The following CUX1 variants were observed in gnomAD, a reference collection of about 807,000 sequenced individuals.
CUX1 encodes cut like homeobox 1, also known as protein CASP.
A neutral mutation model predicts 158.8 loss-of-function variants in CUX1; 31 were observed. That is an observed-to-expected ratio of 0.20 (90% CI 0.15 to 0.26). The LOEUF (loss-of-function observed/expected upper bound fraction) is 0.26. Ranked by LOEUF, CUX1 falls within the 10% of genes least tolerant of loss-of-function variation. CUX1 has a pLI of 1.00. For missense variants in CUX1, 1,589 were observed against 2,014.6 expected, an observed-to-expected ratio of 0.79 and a Z score of 4.04; for synonymous variants, 879 against 862.1, an observed-to-expected ratio of 1.02 and a Z score of -0.34.
At chr7:101,906,354 A>G (rs947756861) in intron 1 of CUX1, among the ~76,000 whole-genome samples, 7 of 151,400 alleles carry the variant, frequency 4.6e-5, no homozygotes, top group Non-Finnish European at 1.0e-4. Flanking sequence ...GCAGGGAGGG[A>G]GCTGGGGAAG....
In CUX1 at chr7:102,250,278, G is replaced by A. The variant is rs1039583326; in HGVS notation, c.*1236G>A. 1.0e-6 allele frequency: 1 copy of A among 985,348 alleles called. No individual in the cohort carries two copies. Among genetic ancestry groups the A allele is most frequent in the Non-Finnish European group, 1.2e-6 (1 of 829,970 alleles). The allele number at this position is 985,348 out of a possible 1,614,324, so 61.0% of individuals were successfully genotyped here. A position where few individuals can be genotyped will look rare whatever the true frequency, so the allele number is the denominator to read the frequency against. On this transcript the variant is annotated 3_prime_UTR_variant, in exon 24 of 24. Transcript: ENST00000292535. ...ATTGAAAGAAAGGAGAGAGTAGTCCGGGCGAGCACAGCAGGCAGTTCCAGG... is the reference window on the plus strand; with the variant it reads ...ATTGAAAGAAAGGAGAGAGTAGTCCAGGCGAGCACAGCAGGCAGTTCCAGG...
chr7:102,161,712 G>T (rs782012562), intron 9 of CUX1, among the ~76,000 whole-genome samples: 13 of 152,170 alleles, frequency 8.5e-5, no homozygotes, highest in Non-Finnish European at 1.3e-4. Flanking sequence ...ATGGGTTCAG[G>T]CAATTCTCCT....
At chr7:102,171,656 C>T (rs1428995358) in intron 10 of CUX1, among the ~76,000 whole-genome samples, 7 of 152,124 alleles carry the variant, frequency 4.6e-5, no homozygotes, top group African/African-American at 1.7e-4. Context: ...TCGCGTTGCC[C>T]AGGCTGGTCT....
intron 1 of CUX1, among the ~76,000 whole-genome samples, chr7:101,874,386 A>G (rs931886386): frequency 6.6e-6 from 1 of 152,224 alleles, no homozygotes; most frequent in Admixed American, 6.5e-5. Flanking sequence ...TTACTTAAAA[A>G]GCAGCGGAAA....
intron 13 of CUX1, among the ~76,000 whole-genome samples, chr7:102,194,989 A>C (rs1482124856): frequency 1.3e-5 from 2 of 152,076 alleles, no homozygotes; most frequent in Admixed American, 1.3e-4. Context: ...ATGCCACTGC[A>C]CTCCAGCCTG....
chr7:101,952,389 A>G (rs1809177990), intron 2 of CUX1, among the ~76,000 whole-genome samples: 2 of 152,164 alleles, frequency 1.3e-5, no homozygotes, highest in South Asian at 4.1e-4. Context: ...TCAGTAATAA[A>G]TAAATTAAAA....
chr7:101,879,115 CTG>C (rs1396047485), intron 1 of CUX1, among the ~76,000 whole-genome samples: 1 of 152,208 alleles, frequency 6.6e-6, no homozygotes, highest in Non-Finnish European at 1.5e-5. Context: ...GTAGCTGAAA[CTG>C]TTGCATTTCA....
At chr7:102,175,347 AT>A (rs1178679179) in intron 10 of CUX1, among the ~76,000 whole-genome samples, 1 of 152,148 alleles carries the variant, frequency 6.6e-6, no homozygotes, top group African/African-American at 2.4e-5. Context: ...AAGCCCTTTA[AT>A]CAGTGTCTAT....
At chr7:102,278,123 C>A in intron 18 of CUX1, 1 of 1,302,270 alleles carries the variant, frequency 7.7e-7, no homozygotes, top group Non-Finnish European at 1.1e-6. Flanking sequence ...AGAGGCCGAT[C>A]AGGGCTCTGG....
At position 101,995,287 on chromosome 7, in the gene CUX1, G is replaced by A. The variant is rs145248899; in HGVS notation, c.142-32811G>A. ...GCCATGGCTCACTTATCCCTGCCAC[G>A]TGGACTCCAGAAAACATTCTCAGTA... On this transcript the variant is annotated intron_variant, in intron 2 of 23. Coordinates refer to ENST00000292535, the MANE Select transcript of CUX1 (RefSeq NM_181552.4). 6.3e-3 allele frequency among the ~76,000 whole-genome samples: 966 copies of A among 152,190 alleles called. 7 individuals are homozygous for A. Among genetic ancestry groups the A allele is most frequent in the Middle Eastern group, 0.027 (8 of 294 alleles).
At chr7:102,098,807 A>AT (rs112048598) in intron 5 of CUX1, among the ~76,000 whole-genome samples, 898 of 67,976 alleles carry the variant, frequency 0.013, 25 homozygotes, top group East Asian at 0.024. Context: ...CGCCCAACTA[A>AT]TTTTTTTTTT....
At chr7:102,050,603 C>T (rs984020385) in intron 3 of CUX1, among the ~76,000 whole-genome samples, 1 of 152,106 alleles carries the variant, frequency 6.6e-6, no homozygotes, top group African/African-American at 2.4e-5. Context: ...TGCCCCATTT[C>T]GGGAGAGGTA....
intron 22 of CUX1, among the ~76,000 whole-genome samples, chr7:102,237,506 T>G (rs1383121777): frequency 1.3e-5 from 2 of 152,138 alleles, no homozygotes; most frequent in Non-Finnish European, 2.9e-5. Context: ...GGTCTCAAAC[T>G]CCTAGGCTCG....
At position 101,911,587 on chromosome 7, in the gene CUX1, C is replaced by A. The variant is rs895817626; in HGVS notation, c.31-4528C>A. Among the ~76,000 whole-genome samples, 4 of 152,284 alleles carry A rather than the reference C, an allele frequency of 2.6e-5. No homozygotes were observed. In the South Asian group the frequency reaches 8.3e-4, roughly 32 times the overall value. ...TGGATGACCTGAGCCTTGGCGTTGA[C>A]CTTGGCCCGCCAGTGGATGACCTGA... On this transcript the variant is annotated intron_variant, in intron 1 of 23. Coordinates refer to ENST00000292535, the MANE Select transcript of CUX1 (RefSeq NM_181552.4).
chr7:102,277,064 C>A lies in CUX1; in HGVS notation c.1564-885C>A, dbSNP rs535707072. Among the ~76,000 whole-genome samples, 3 of 152,142 alleles carry A rather than the reference C, an allele frequency of 2.0e-5. No homozygotes were observed. The South Asian group carries it at 6.2e-4, about 32-fold the overall frequency. On this transcript the variant is annotated intron_variant, in intron 17 of 22. Transcript: ENST00000292538. The stretch of plus-strand genomic sequence containing the variant: ...CCTGTAATCCCAGCACATTGGGAGG[C>A]CGAAGTGGGAAGATTGCTTGAGCCC...
intron 8 of CUX1, among the ~76,000 whole-genome samples, chr7:102,156,264 T>C (rs953750004): frequency 4.6e-5 from 7 of 152,160 alleles, no homozygotes; most frequent in African/African-American, 1.7e-4. Flanking sequence ...CAGGGTGATT[T>C]ATAAAGAAGA....
chr7:102,133,805 C>CT (rs1445892024), intron 8 of CUX1, among the ~76,000 whole-genome samples: 22 of 151,810 alleles, frequency 1.4e-4, no homozygotes, highest in African/African-American at 5.3e-4. Context: ...CCATCAGTGT[C>CT]TAACTGCAAT....
intron 1 of CUX1, among the ~76,000 whole-genome samples, chr7:101,856,289 C>T (rs1284707950): frequency 3.3e-5 from 5 of 151,982 alleles, no homozygotes; most frequent in East Asian, 3.9e-4. Context: ...CGCAGGGAGC[C>T]GTTAATCACG....
chr7:102,189,896 C>A, intron 12 of CUX1, 25 bp downstream of exon 12: 1 of 1,613,628 alleles, frequency 6.2e-7, no homozygotes. Context: ...CCCTGTGGCC[C>A]CTCACACGCT....
Sources: gnomAD v4.1 joint callset for allele counts (sites outside exome capture counted in the v4.1 genomes callset) on GRCh38, gnomAD v4.1.1 for gene constraint, MANE v1.5 for transcripts, NCBI Gene and HGNC (gene_info 2026-07-23, HGNC 2026-07-21) for gene names.